COMMD1: variants seen among roughly 807,000 people sequenced by gnomAD.
The protein encoded by COMMD1 is copper metabolism domain containing 1.
COMMD1 carries 10 observed loss-of-function variants against 17.2 expected under a neutral mutation model. The observed-to-expected ratio is 0.58, with a 90% CI of 0.36 to 0.99. The LOEUF is 0.99. Among genes scored for constraint, COMMD1 ranks in the 50% least tolerant of loss-of-function variants. The pLI, the probability that COMMD1 is intolerant of heterozygous loss-of-function variation, is 0.01. For missense variants in COMMD1, 270 were observed against 231.8 expected, an observed-to-expected ratio of 1.17 and a Z score of -1.07; for synonymous variants, 97 against 91.6, an observed-to-expected ratio of 1.06 and a Z score of -0.34.
chr2:61,968,945 C>A (rs1006655962), intron 1 of COMMD1: 9 of 213,962 alleles, frequency 4.2e-5, no homozygotes, highest in Non-Finnish European at 5.9e-5. Flanking sequence ...TTTATTTAGT[C>A]TTTTTTTTTT....
At chr2:62,096,618 C>A (rs972896932) in intron 2 of COMMD1, among the ~76,000 whole-genome samples, 2 of 152,120 alleles carry the variant, frequency 1.3e-5, no homozygotes, top group Non-Finnish European at 2.9e-5. Flanking sequence ...GAATCCAACT[C>A]CTGCCTGTCA....
At chr2:62,023,021 G>C (rs1669651099) in intron 2 of COMMD1, among the ~76,000 whole-genome samples, 1 of 152,220 alleles carries the variant, frequency 6.6e-6, no homozygotes. Flanking sequence ...GAGGTCAGGA[G>C]TTCGAGACCA....
intron 2 of COMMD1, among the ~76,000 whole-genome samples, chr2:62,021,596 G>A (rs1279870659): frequency 6.6e-6 from 1 of 152,128 alleles, no homozygotes; most frequent in Non-Finnish European, 1.5e-5. Context: ...TTGGTTTGGT[G>A]GAAAGTTTTC....
intron 1 of COMMD1, among the ~76,000 whole-genome samples, chr2:61,971,176 A>G (rs901736399): frequency 2.6e-5 from 4 of 152,250 alleles, no homozygotes; most frequent in African/African-American, 9.6e-5. Flanking sequence ...GATTTTTAGC[A>G]AAACAATTTT....
intron 1 of COMMD1, among the ~76,000 whole-genome samples, chr2:61,945,638 C>T (rs2103650314): frequency 6.6e-6 from 1 of 152,316 alleles, no homozygotes; most frequent in East Asian, 1.9e-4. Flanking sequence ...TCAGGACGTC[C>T]TGATGACATG....
At chr2:61,905,523 G>A (rs1669746158), upstream of COMMD1, 4 of 677,698 alleles carry the variant, frequency 5.9e-6, no homozygotes, top group South Asian at 5.9e-5. Flanking sequence ...GTGTTGCAGA[G>A]CAAAGCTGTA....
intron 2 of COMMD1, among the ~76,000 whole-genome samples, chr2:62,025,397 G>A (rs1573085215): frequency 6.6e-6 from 1 of 151,958 alleles, no homozygotes; most frequent in Admixed American, 6.6e-5. Context: ...GAACATGGTG[G>A]TGCACACCTG....
chr2:61,913,535 A>G lies in COMMD1; in HGVS notation c.180+7677A>G, dbSNP rs569760565. Reference sequence around the variant, plus strand: ...ATTAGCTCTACTAAAAGTTGGCTCTACTAAATTAGCTCTACTAAAAAATTA... The same window carrying G: ...ATTAGCTCTACTAAAAGTTGGCTCTGCTAAATTAGCTCTACTAAAAAATTA... On this transcript the variant is annotated intron_variant, in intron 1 of 2. Coordinates refer to ENST00000311832, the MANE Select transcript of COMMD1 (RefSeq NM_152516.4). Among the ~76,000 whole-genome samples, 5 of 151,764 alleles carry G rather than the reference A, an allele frequency of 3.3e-5. No individual in the cohort carries two copies. In the Admixed American group the frequency reaches 3.3e-4, roughly 10 times the overall value.
At chr2:62,049,976 A>T (rs1408466908) in intron 2 of COMMD1, among the ~76,000 whole-genome samples, 1 of 152,242 alleles carries the variant, frequency 6.6e-6, no homozygotes, top group Non-Finnish European at 1.5e-5. Context: ...AATCAAAAAA[A>T]CATGATCAGT....
intron 1 of COMMD1, among the ~76,000 whole-genome samples, chr2:61,908,436 G>T (rs955358087): frequency 2.0e-5 from 3 of 151,516 alleles, no homozygotes; most frequent in Non-Finnish European, 4.4e-5. Context: ...CATGTTGGCC[G>T]GGATGGTTTT....
intron 1 of COMMD1, among the ~76,000 whole-genome samples, chr2:61,894,839 C>T (rs1292703949): frequency 6.6e-6 from 1 of 151,902 alleles, no homozygotes; most frequent in African/African-American, 2.4e-5. Context: ...GCTGGGATTA[C>T]AGGCATGCAC....
intron 1 of COMMD1, among the ~76,000 whole-genome samples, chr2:61,963,425 C>T (rs936911080): frequency 2.0e-5 from 3 of 151,988 alleles, no homozygotes; most frequent in Admixed American, 6.6e-5. Context: ...GACACCATCT[C>T]GGCTCACTGC....
At chr2:61,970,797 A>T (rs1312887450) in intron 1 of COMMD1, among the ~76,000 whole-genome samples, 2 of 152,234 alleles carry the variant, frequency 1.3e-5, no homozygotes, top group Non-Finnish European at 2.9e-5. Flanking sequence ...ATATTCTAGA[A>T]GTTATTTCCT....
At chr2:61,889,421 G>A (rs1161069943) in intron 1 of COMMD1, among the ~76,000 whole-genome samples, 1 of 152,026 alleles carries the variant, frequency 6.6e-6, no homozygotes, top group African/African-American at 2.4e-5. Context: ...GTGTTGCCCA[G>A]GCTGGTCTGA....
chr2:61,992,527 A>G (rs1482662482), intron 1 of COMMD1, among the ~76,000 whole-genome samples: 1 of 152,182 alleles, frequency 6.6e-6, no homozygotes, highest in African/African-American at 2.4e-5. Context: ...TATATAGCCC[A>G]TGAGCTAAAA....
intron 1 of COMMD1, among the ~76,000 whole-genome samples, chr2:61,965,048 A>G (rs1433215973): frequency 6.6e-6 from 1 of 152,184 alleles, no homozygotes; most frequent in East Asian, 1.9e-4. Context: ...AAAAAATTAA[A>G]AAAAAAGAAT....
chr2:62,118,909 C>A (rs1195771895), intron 2 of COMMD1: 3 of 152,180 alleles, frequency 2.0e-5, no homozygotes, highest in Non-Finnish European at 4.4e-5. Context: ...AGATCATCAC[C>A]ATCAACCACA....
intron 2 of COMMD1, among the ~76,000 whole-genome samples, chr2:62,033,069 C>A (rs1303528794): frequency 6.6e-6 from 1 of 152,168 alleles, no homozygotes; most frequent in Non-Finnish European, 1.5e-5. Context: ...GTTGCCTGGC[C>A]AGTTTAGCTT....
At chr2:62,030,783 C>A (rs750830743) in intron 2 of COMMD1, among the ~76,000 whole-genome samples, 1 of 151,756 alleles carries the variant, frequency 6.6e-6, no homozygotes, top group African/African-American at 2.4e-5. Flanking sequence ...TGATAATATC[C>A]AAAATGTATT....
Sources: allele counts gnomAD v4.1 joint callset (sites outside exome capture counted in the v4.1 genomes callset), GRCh38; gene constraint gnomAD v4.1.1; transcripts MANE v1.5; gene names NCBI Gene and HGNC (gene_info 2026-07-23, HGNC 2026-07-21).